Variants in PCDHGA4 observed in about 807,000 individuals in gnomAD.
The protein encoded by PCDHGA4 is protocadherin gamma subfamily A, 4.
In PCDHGA4, 38 loss-of-function variants were observed where a neutral mutation model predicts 54.6. That is an observed-to-expected ratio of 0.70 (90% CI 0.54 to 0.91). PCDHGA4 has a LOEUF of 0.91. Among genes scored for constraint, PCDHGA4 ranks in the 40% least tolerant of loss-of-function variants. The pLI is 0.00. For missense variants in PCDHGA4, 1,298 were observed against 1,220.9 expected (o/e 1.06, Z -0.94); for synonymous variants, 511 against 512.9 (o/e 1.00, Z 0.05).
chr5:141,393,742 A>T, intron 1 of PCDHGA4: 1 of 1,613,902 alleles, frequency 6.2e-7, no homozygotes, highest in Non-Finnish European at 8.5e-7. Flanking sequence ...CTAGATTATG[A>T]AGAATGTTCA....
At chr5:141,506,432 C>A (rs2099853359) in intron 3 of PCDHGA4, among the ~76,000 whole-genome samples, 1 of 132,482 alleles carries the variant, frequency 7.5e-6, no homozygotes, top group Non-Finnish European at 1.6e-5. Context: ...GGGCAACAGT[C>A]TCGCTCTGTC....
intron 1 of PCDHGA4, chr5:141,388,238 C>T (rs546808390): frequency 4.8e-5 from 77 of 1,607,582 alleles, no homozygotes; most frequent in Non-Finnish European, 6.4e-5. Flanking sequence ...ACTTTTATCA[C>T]GTGAATGTGG....
At chr5:141,404,752 G>A (rs774409689) in intron 1 of PCDHGA4, 1 of 1,614,010 alleles carries the variant, frequency 6.2e-7, no homozygotes, top group Non-Finnish European at 8.5e-7. Context: ...ACTCAGGCCA[G>A]AATGCTTGGC....
At chr5:141,389,061 T>C in intron 1 of PCDHGA4, 1 of 1,614,022 alleles carries the variant, frequency 6.2e-7, no homozygotes, top group Non-Finnish European at 8.5e-7. Context: ...ATTTAAAATA[T>C]TAACTTCTTC....
At chr5:141,419,644 C>T (rs867285747) in intron 1 of PCDHGA4, 1 of 1,612,514 alleles carries the variant, frequency 6.2e-7, no homozygotes, top group Middle Eastern at 1.7e-4. Context: ...TGGCCGTGGA[C>T]GCGGACTCGG....
Position 141,489,517 on chromosome 5 carries a change from G to C in PCDHGA4, c.2515-5290G>C. The C allele has an allele frequency of 6.2e-7, 1 of 1,614,136 alleles. No individual in the cohort carries two copies. Among genetic ancestry groups the C allele is most frequent in the Non-Finnish European group, 8.5e-7 (1 of 1,180,044 alleles). On this transcript the variant is annotated intron_variant, in intron 1 of 3. Transcript: ENST00000571252. The surrounding 1 kb of genome is among the most constrained non-coding windows in gnomAD (Gnocchi z 4.5). ...GGCAGTGAATCAAAAGATTGACCGA[G>C]AAAGCCTATGTGGAGCCAGCACCAG...
chr5:141,508,091 GCCC>G (rs2099866180), intron 3 of PCDHGA4: 1 of 152,482 alleles, frequency 6.6e-6, no homozygotes, highest in Non-Finnish European at 1.5e-5. Flanking sequence ...TGCTGCCTTG[GCCC>G]TGGGATGGGG....
intron 1 of PCDHGA4, chr5:141,415,452 C>G (rs2095870569): frequency 1.9e-6 from 3 of 1,614,122 alleles, no homozygotes; most frequent in Admixed American, 1.7e-5. Context: ...CCTATTCCCA[C>G]GAGGTCTCTC....
rs777761385 is a variant in PCDHGA4 at position 141,489,558 on chromosome 5, G to T, written c.2515-5249G>T. 1.1e-5 allele frequency: 17 copies of T among 1,614,130 alleles called. No homozygotes were observed. In the South Asian group the frequency reaches 1.8e-4, roughly 17 times the overall value. On this transcript the variant is annotated intron_variant, in intron 1 of 3. Coordinates refer to ENST00000571252, the MANE Select transcript of PCDHGA4 (RefSeq NM_018917.4). The surrounding 1 kb of genome is among the most constrained non-coding windows in gnomAD (Gnocchi z 4.5). Reference sequence around the variant, plus strand: ...CCAGCACCAGCTGCCTGCTGCCAGTGCAGGTGGTGACTGAACACCCCCTGG... The same window carrying T: ...CCAGCACCAGCTGCCTGCTGCCAGTTCAGGTGGTGACTGAACACCCCCTGG...
rs978049964 is a variant in PCDHGA4 at position 141,376,740 on chromosome 5, G to A, written c.2514+19119G>A. On this transcript the variant is annotated intron_variant, in intron 1 of 3. Coordinates refer to ENST00000571252, the MANE Select transcript of PCDHGA4 (RefSeq NM_018917.4). ...TGTCGCCCAGGCCGGACTGCGGACT[G>A]CAGTGGCGCAATCTCGGCTCACTGC... is the stretch of plus-strand genomic sequence containing the variant. 6 of 494,230 alleles carry A rather than the reference G, an allele frequency of 1.2e-5. No homozygotes were observed. In the Admixed American group the frequency reaches 1.2e-4, roughly 10 times the overall value. The allele number at this position is 494,230 out of a possible 1,614,324, so 30.6% of individuals were successfully genotyped here.
intron 1 of PCDHGA4, among the ~76,000 whole-genome samples, chr5:141,429,890 C>A (rs2097251428): frequency 6.6e-6 from 1 of 152,112 alleles, no homozygotes; most frequent in African/African-American, 2.4e-5. Context: ...GTTTCCTGAA[C>A]AATAAATATT....
At chr5:141,458,519 T>C (rs974750749) in intron 1 of PCDHGA4, among the ~76,000 whole-genome samples, 1 of 152,110 alleles carries the variant, frequency 6.6e-6, no homozygotes, top group Non-Finnish European at 1.5e-5. Context: ...CTTTGTTTTT[T>C]TTTTTAACTT....
At position 141,404,862 on chromosome 5, in the gene PCDHGA4, C is replaced by T. The variant is rs377687399; in HGVS notation, c.2514+47241C>T. ...GCTCGGGCCCTGCTAGATAGAGATG[C>T]GCTCAAACAGAGCCTTGTGGTGGCT... On this transcript the variant is annotated intron_variant, in intron 1 of 3. Coordinates refer to ENST00000571252, the MANE Select transcript of PCDHGA4 (RefSeq NM_018917.4). The T allele has an allele frequency of 2.3e-5, 37 of 1,613,730 alleles. No individual in the cohort carries two copies. The African/African-American group carries it at 2.8e-4, about 12-fold the overall frequency.
intron 1 of PCDHGA4, among the ~76,000 whole-genome samples, chr5:141,446,356 A>G (rs73280911): frequency 0.088 from 13,411 of 152,284 alleles, 771 homozygotes; most frequent in African/African-American, 0.16. Flanking sequence ...CTACCATTTG[A>G]TGAGAATGGA....
rs202065305 is a variant in PCDHGA4 at position 141,410,175 on chromosome 5, C to A, written c.2514+52554C>A. 1.1e-5 allele frequency: 17 copies of A among 1,613,752 alleles called. No homozygotes were observed. In the African/African-American group the frequency reaches 2.1e-4, roughly 20 times the overall value. ...GGACAGCCGCCACTCTCTGCCACCG[C>A]CACGCTTCATCTGGTCTTCGCAGAC... On this transcript the variant is annotated intron_variant, in intron 1 of 3. Transcript: ENST00000571252.
At position 141,491,623 on chromosome 5, in the gene PCDHGA4, G is replaced by A. The variant is rs767724749; in HGVS notation, c.2515-3184G>A. The A allele has an allele frequency of 3.7e-6, 6 of 1,613,812 alleles. No homozygotes were observed. The highest frequency in any genetic ancestry group is 2.7e-5 in the African/African-American group (2 of 74,938). On this transcript the variant is annotated intron_variant, in intron 1 of 3. Transcript: ENST00000571252. This position sits in a 1 kb window ranked among gnomAD's most constrained non-coding sequence, Gnocchi z 6.9. ...CTTCACTTTTCTAAGACCCCTCAGC[G>A]TTCAGCAGCCCACAGCTCTGGCGCT...
chr5:141,357,132 G>A lies in PCDHGA4; in HGVS notation c.2025G>A (p.Val675=). ...DRDALKQRLV[V]VVQDHGQPPL... ...ACGCGCTCAAGCAGAGGCTTGTAGT[G>A]GTCGTCCAGGACCATGGCCAGCCCC... The change falls in exon 1 of 4, where the codon GTG becomes GTA. Residue 675 remains valine (V), a synonymous_variant. Transcript: ENST00000571252. 1 of 1,613,550 alleles carries A rather than the reference G, an allele frequency of 6.2e-7. No homozygotes were observed.
At chr5:141,418,641 T>C in intron 1 of PCDHGA4, 3 of 1,614,028 alleles carry the variant, frequency 1.9e-6, no homozygotes, top group Non-Finnish European at 2.5e-6. Flanking sequence ...GGCACCTCCA[T>C]CCTGAGAGTG....
intron 3 of PCDHGA4, among the ~76,000 whole-genome samples, chr5:141,509,335 G>C (rs113423267): frequency 6.6e-6 from 1 of 152,144 alleles, no homozygotes; most frequent in African/African-American, 2.4e-5. Context: ...CTGCCAGCTG[G>C]GCCTGGGCTG....
Sources: gnomAD v4.1 joint callset for allele counts (sites outside exome capture counted in the v4.1 genomes callset) on GRCh38, gnomAD v4.1.1 for gene constraint, Gnocchi (gnomAD v3.1) non-coding constraint, MANE v1.5 for transcripts, NCBI Gene and HGNC (gene_info 2026-07-23, HGNC 2026-07-21) for gene names.